The following PRPSAP1 variants were observed in gnomAD, a reference collection of about 807,000 sequenced individuals.
The protein encoded by PRPSAP1 is phosphoribosyl pyrophosphate synthetase associated protein 1.
In PRPSAP1, 31 loss-of-function variants were observed where a neutral mutation model predicts 39.4. That is an observed-to-expected ratio of 0.79 (90% CI 0.59 to 1.06). The LOEUF (loss-of-function observed/expected upper bound fraction) is 1.06, where lower values mean the gene tolerates loss of function less well. Ranked by LOEUF, PRPSAP1 falls within the 50% of genes least tolerant of loss-of-function variation. The pLI is 0.00. For missense variants in PRPSAP1, 430 were observed against 511.6 expected, an observed-to-expected ratio of 0.84 and a Z score of 1.54; for synonymous variants, 212 against 192.6, an observed-to-expected ratio of 1.10 and a Z score of -0.83.
At chr17:76,326,941 A>C (rs560105351) in intron 7 of PRPSAP1, among the ~76,000 whole-genome samples, 3 of 151,954 alleles carry the variant, frequency 2.0e-5, no homozygotes, top group East Asian at 3.9e-4. Context: ...AAAAAAAAAA[A>C]CCCCATGTAT....
chr17:76,311,776 C>T, intron 9 of PRPSAP1, 76 bp from the exon 10 acceptor site: 2 of 1,495,262 alleles, frequency 1.3e-6, no homozygotes, highest in Non-Finnish European at 1.8e-6. Flanking sequence ...AAAAGCTTAT[C>T]TAACATTGAG....
intron 8 of PRPSAP1, 25 bp from the exon 9 acceptor site, chr17:76,313,041 G>A (rs2071086378): frequency 6.2e-7 from 1 of 1,610,432 alleles, no homozygotes; most frequent in Admixed American, 1.7e-5. Context: ...GAGTGAGTTG[G>A]TAGGAAAGAA....
rs146944226 is a variant in PRPSAP1, at chr17:76,340,333, G to A, written c.290+4338C>T. On this transcript the variant is annotated intron_variant, in intron 3 of 9. Transcript: ENST00000446526. ...AAGATACAAGTGAGAAAAACGGTAA[G>A]TGTTTCCCAATTGGCTATTAACTAA... is the stretch of plus-strand genomic sequence containing the variant. Among the ~76,000 whole-genome samples the A allele has an allele frequency of 2.6e-4, 39 of 151,750 alleles. No homozygotes were observed. The East Asian group carries it at 7.1e-3, about 28-fold the overall frequency.
intron 4 of PRPSAP1, among the ~76,000 whole-genome samples, chr17:76,331,666 T>A (rs2071323519): frequency 6.6e-6 from 1 of 152,120 alleles, no homozygotes; most frequent in African/African-American, 2.4e-5. Flanking sequence ...CTGGAACCAA[T>A]CCTATAAGGA....
rs566941682 is a variant in PRPSAP1, at chr17:76,343,322, C to T, written c.290+1349G>A. Among the ~76,000 whole-genome samples the T allele has an allele frequency of 3.8e-4, 58 of 152,354 alleles. No individual in the cohort carries two copies. In the South Asian group the frequency reaches 0.012, roughly 31 times the overall value. ...CCAGGATTCCCCAGGTGTCAGCCCCCTGCCCTGAGGGAAGCAAGGGCGACG... is the reference window on the plus strand; with the variant it reads ...CCAGGATTCCCCAGGTGTCAGCCCCTTGCCCTGAGGGAAGCAAGGGCGACG... On this transcript the variant is annotated intron_variant, in intron 3 of 9. Coordinates refer to ENST00000446526, the MANE Select transcript of PRPSAP1 (RefSeq NM_002766.3).
chr17:76,324,369 C>T (rs2071229498), intron 7 of PRPSAP1, among the ~76,000 whole-genome samples: 1 of 151,756 alleles, frequency 6.6e-6, no homozygotes, highest in African/African-American at 2.4e-5. Context: ...GAGGCTAAGG[C>T]GGGTGGATCA....
At chr17:76,321,282 A>G (rs1024144681) in intron 7 of PRPSAP1, among the ~76,000 whole-genome samples, 4 of 151,178 alleles carry the variant, frequency 2.6e-5, no homozygotes, top group African/African-American at 9.7e-5. Context: ...GGCTGGATGC[A>G]GTGGTGGCTC....
rs774701095 is a variant in PRPSAP1 at position 76,311,534 on chromosome 17, C to T, written c.*8G>A. The T allele has an allele frequency of 2.4e-5, 38 of 1,612,638 alleles. No individual in the cohort carries two copies. The highest frequency in any genetic ancestry group is 2.7e-5 in the African/African-American group (2 of 74,870). ...TCAGGAGGTCCAGGGTCGAGACCCTCGTGAAAGCTAGTCATCCACAGTGAT... is the reference window on the plus strand; with the variant it reads ...TCAGGAGGTCCAGGGTCGAGACCCTTGTGAAAGCTAGTCATCCACAGTGAT... On this transcript the variant is annotated 3_prime_UTR_variant, in exon 10 of 10. Coordinates refer to ENST00000446526, the MANE Select transcript of PRPSAP1 (RefSeq NM_002766.3).
chr17:76,322,915 G>A (rs1178757170), intron 7 of PRPSAP1, among the ~76,000 whole-genome samples: 1 of 152,118 alleles, frequency 6.6e-6, no homozygotes, highest in African/African-American at 2.4e-5. Context: ...GATCACCTGA[G>A]CCCAGGTGGT....
At chr17:76,348,206 G>C (rs1007682077) in intron 2 of PRPSAP1, among the ~76,000 whole-genome samples, 1 of 149,336 alleles carries the variant, frequency 6.7e-6, no homozygotes, top group Non-Finnish European at 1.5e-5. Context: ...GGGCACAGTG[G>C]TCATGCCTGT....
At position 76,328,609 on chromosome 17, in the gene PRPSAP1, A is replaced by AAAAAC. The variant is rs554178644; in HGVS notation, c.781+103_781+107dup. Reference sequence around the variant, plus strand: ...GGGTGACAGAGTGAGACTCCATCTCAAAAACAAAACAAAACAAAACAAAAC... The same window carrying AAAAAC: ...GGGTGACAGAGTGAGACTCCATCTCAAAAACAAAACAAAACAAAACAAAACAAAAC... On this transcript the variant is annotated intron_variant, in intron 7 of 9. Transcript: ENST00000446526. The AAAAAC allele has an allele frequency of 7.2e-3, 10,357 of 1,431,000 alleles. 75 individuals carry two copies. Among genetic ancestry groups the AAAAAC allele is most frequent in the African/African-American group, 0.017 (1,149 of 69,312 alleles). 88.6% of individuals were successfully genotyped at this position (1,431,000 alleles called of 1,614,324 possible).
In PRPSAP1 at chr17:76,346,063, G is replaced by A. The variant is rs1023597083; in HGVS notation, c.224-1326C>T. 78 of 370,266 alleles carry A rather than the reference G, an allele frequency of 2.1e-4. 1 individual carries two copies. Among genetic ancestry groups the A allele is most frequent in the Non-Finnish European group, 3.7e-4 (72 of 193,230 alleles). 22.9% of individuals were successfully genotyped at this position (370,266 alleles called of 1,614,324 possible). ...GAATGACTCTATGGGAAGTGGAGAT[G>A]CCTGAACACACCAGGCACCTGCTGG... On this transcript the variant is annotated intron_variant, in intron 2 of 9. Transcript: ENST00000446526.
rs1485910966 is a variant in PRPSAP1, at chr17:76,320,784, C to T, written c.782-6893G>A. Among the ~76,000 whole-genome samples the T allele has an allele frequency of 1.1e-4, 13 of 115,964 alleles. No individual in the cohort carries two copies. In the Admixed American group the frequency reaches 1.1e-3, roughly 10 times the overall value. The allele number at this position is 115,964 out of a possible 152,430, so 76.1% of individuals were successfully genotyped here. A position where few individuals can be genotyped will look rare whatever the true frequency, so the allele number is the denominator to read the frequency against. ...GCAAGTCTATGGGAGCCATTTTTCT[C>T]TCTTTTTTTTTTTTAAAGACAGGGT... On this transcript the variant is annotated intron_variant, in intron 7 of 9. Transcript: ENST00000446526.
intron 3 of PRPSAP1, among the ~76,000 whole-genome samples, 198 bp downstream of exon 3, chr17:76,344,473 G>A (rs752413094): frequency 6.8e-6 from 1 of 147,214 alleles, no homozygotes; most frequent in African/African-American, 2.5e-5. Context: ...CAACATATTG[G>A]TCAGGCTGGT....
At chr17:76,327,743 A>T (rs1301911779) in intron 7 of PRPSAP1, among the ~76,000 whole-genome samples, 1 of 152,204 alleles carries the variant, frequency 6.6e-6, no homozygotes, top group Non-Finnish European at 1.5e-5. Context: ...ATAATGTAAA[A>T]GCTTAAGATT....
intron 8 of PRPSAP1, 175 bp from the exon 9 acceptor site, chr17:76,313,191 G>C (rs551214513): frequency 1.4e-6 from 1 of 728,962 alleles, no homozygotes; most frequent in African/African-American, 1.8e-5. Context: ...AGAAGCACCT[G>C]ACAGTACCTT....
In PRPSAP1 at chr17:76,310,114, C is replaced by G. The variant is rs543271079; in HGVS notation, c.*1428G>C. The G allele has an allele frequency of 2.0e-5, 3 of 152,138 alleles. No homozygotes were observed. The highest frequency in any genetic ancestry group is 7.2e-5 in the African/African-American group (3 of 41,472). The allele number at this position is 152,138 out of a possible 1,614,324, so 9.4% of individuals were successfully genotyped here. A position where few individuals can be genotyped will look rare whatever the true frequency, so the allele number is the denominator to read the frequency against. ...AATTAATTCTCCTGCCTCAGCCTCC[C>G]GAGTAGCTGGGATTACAGGCGTGCA... On this transcript the variant is annotated 3_prime_UTR_variant, in exon 10 of 10. Transcript: ENST00000446526.
chr17:76,336,431 C>T (rs1319839017), intron 3 of PRPSAP1, among the ~76,000 whole-genome samples: 3 of 93,772 alleles, frequency 3.2e-5, no homozygotes, highest in African/African-American at 9.8e-5. Context: ...GAGCGAGAAT[C>T]TTTCTCAAAA....
intron 3 of PRPSAP1, among the ~76,000 whole-genome samples, chr17:76,343,169 A>G (rs965702414): frequency 6.6e-6 from 1 of 152,224 alleles, no homozygotes; most frequent in African/African-American, 2.4e-5. Flanking sequence ...GGTCTGGGGA[A>G]TGTACACTGA....
Sources: allele counts gnomAD v4.1 joint callset (sites outside exome capture counted in the v4.1 genomes callset), GRCh38; gene constraint gnomAD v4.1.1; transcripts MANE v1.5; gene names NCBI Gene and HGNC (gene_info 2026-07-23, HGNC 2026-07-21).